PRTG: variants seen among roughly 807,000 people sequenced by gnomAD.
PRTG encodes protogenin, also known as immunoglobulin superfamily, DCC subclass, member 5.
In PRTG, 67 loss-of-function variants were observed where a neutral mutation model predicts 122.5. The ratio of observed to expected loss-of-function variants is 0.55; its 90% CI spans 0.45 to 0.67. The LOEUF is 0.67. PRTG is among the 30% of genes least tolerant of loss of function. The probability of loss-of-function intolerance (pLI) is 0.00; values close to 1 mark genes in which losing one functional copy is unlikely to be tolerated. For synonymous variants in PRTG, 554 were observed against 501.1 expected (o/e 1.11, Z -1.41); for missense variants, 1,435 against 1,415.4 (o/e 1.01, Z -0.22).
intron 15 of PRTG, among the ~76,000 whole-genome samples, chr15:55,631,720 G>A (rs1270394639): frequency 4.6e-5 from 7 of 152,130 alleles, no homozygotes; most frequent in Non-Finnish European, 8.8e-5. Context: ...GTCAAATCTC[G>A]TCATGTAACC....
At chr15:55,645,433 C>CAAAAA (rs374791424) in intron 11 of PRTG, among the ~76,000 whole-genome samples, 4,041 of 18,898 alleles carry the variant, frequency 0.21, 1,261 homozygotes, top group Non-Finnish European at 0.45. Context: ...AACTCCGTCT[C>CAAAAA]AAAAAAAAAA....
chr15:55,658,681 G>A (rs373934939), intron 11 of PRTG, among the ~76,000 whole-genome samples: 2 of 152,082 alleles, frequency 1.3e-5, no homozygotes, highest in African/African-American at 4.8e-5. Flanking sequence ...TATGCATATT[G>A]TAAGTCCCCT....
intron 11 of PRTG, among the ~76,000 whole-genome samples, chr15:55,658,759 A>G (rs184554518): frequency 3.0e-4 from 46 of 152,302 alleles, no homozygotes; most frequent in Non-Finnish European, 3.5e-4. Flanking sequence ...CGCTTTTAGT[A>G]TGGGTGTGTT....
chr15:55,646,449 A>T (rs778792934), intron 11 of PRTG, among the ~76,000 whole-genome samples: 1 of 151,566 alleles, frequency 6.6e-6, no homozygotes, highest in Non-Finnish European at 1.5e-5. Flanking sequence ...CAGCCTCCCA[A>T]GTAGCTAGGA....
chr15:55,633,911 T>C (rs953515850), intron 15 of PRTG, among the ~76,000 whole-genome samples: 1 of 152,198 alleles, frequency 6.6e-6, no homozygotes, highest in African/African-American at 2.4e-5. Flanking sequence ...TGCACTATTA[T>C]ATAGCTAGAA....
chr15:55,685,515 G>A (rs2059565496), intron 2 of PRTG, among the ~76,000 whole-genome samples: 1 of 152,124 alleles, frequency 6.6e-6, no homozygotes, highest in African/African-American at 2.4e-5. Context: ...CAGGAGTTAT[G>A]TAATGCATGG....
At chr15:55,695,745 G>A (rs1315280709) in intron 2 of PRTG, among the ~76,000 whole-genome samples, 3 of 152,184 alleles carry the variant, frequency 2.0e-5, no homozygotes, top group Admixed American at 1.3e-4. Context: ...TTGAGGGGAC[G>A]AGACAGGCAG....
chr15:55,695,737 G>C (rs2059628417), intron 2 of PRTG, among the ~76,000 whole-genome samples: 1 of 152,234 alleles, frequency 6.6e-6, no homozygotes, highest in Non-Finnish European at 1.5e-5. Flanking sequence ...CCAGCACTTT[G>C]AGGGGACGAG....
At position 55,675,612 on chromosome 15, in the gene PRTG, G is replaced by A. The variant is rs1320003022; in HGVS notation, c.1453C>T (p.Pro485Ser). Reference protein sequence around the residue: ...TTHYIIDDLEPASNYTFYIVA... With the variant: ...TTHYIIDDLESASNYTFYIVA... ...ATGTAGAAAGTATAATTGCTGGCAGGCTCTAAGTCATCAATAATATAATGA... is the reference window on the plus strand; with the variant it reads ...ATGTAGAAAGTATAATTGCTGGCAGACTCTAAGTCATCAATAATATAATGA... Residue 485 changes from proline to serine, a missense_variant, in exon 9 of 20, where the codon CCT becomes TCT. By Grantham distance (74) the Pro-to-Ser change is moderately conservative. Coordinates refer to ENST00000389286, the MANE Select transcript of PRTG (RefSeq NM_173814.6). 1 of 1,604,376 alleles carries A rather than the reference G, an allele frequency of 6.2e-7. No individual in the cohort carries two copies. The highest frequency in any genetic ancestry group is 1.1e-5 in the South Asian group (1 of 90,800).
At chr15:55,625,261 A>C (rs2059188292) in intron 17 of PRTG, among the ~76,000 whole-genome samples, 1 of 152,214 alleles carries the variant, frequency 6.6e-6, no homozygotes, top group South Asian at 2.1e-4. Flanking sequence ...TCCATAGATG[A>C]GATTGCATGA....
intron 2 of PRTG, among the ~76,000 whole-genome samples, chr15:55,712,410 T>C (rs912311992): frequency 3.3e-5 from 5 of 152,038 alleles, no homozygotes; most frequent in Non-Finnish European, 5.9e-5. Context: ...GTTTCGCCTA[T>C]GTGTTTCAAC....
intron 2 of PRTG, among the ~76,000 whole-genome samples, chr15:55,739,139 A>T (rs1312527619): frequency 6.6e-6 from 1 of 152,224 alleles, no homozygotes; most frequent in Non-Finnish European, 1.5e-5. Flanking sequence ...AATAGTTAAT[A>T]TAAGGATGGC....
At chr15:55,718,749 C>CT (rs1350560498) in intron 2 of PRTG, among the ~76,000 whole-genome samples, 29 of 147,084 alleles carry the variant, frequency 2.0e-4, no homozygotes, top group South Asian at 4.3e-4. Flanking sequence ...AATTACTTTT[C>CT]TTTTTTTTTT....
chr15:55,738,576 C>G, intron 2 of PRTG: 1 of 697,064 alleles, frequency 1.4e-6, no homozygotes, highest in Non-Finnish European at 2.6e-6. Context: ...GGGAAAATAA[C>G]AACTCTATAG....
At chr15:55,708,148 T>TAAAAAAAAAAAAAAAAAAAAA (rs35216342) in intron 2 of PRTG, among the ~76,000 whole-genome samples, 1 of 70,034 alleles carries the variant, frequency 1.4e-5, no homozygotes, top group Non-Finnish European at 2.9e-5. Context: ...AGTAAGCTGG[T>TAAAAAAAAAAAAAAAAAAAAA]AAAAAAAAAA....
intron 2 of PRTG, among the ~76,000 whole-genome samples, chr15:55,692,153 AAC>A (rs1273631632): frequency 9.9e-5 from 15 of 152,230 alleles, no homozygotes; most frequent in African/African-American, 2.9e-4. Flanking sequence ...CTTTTTTAAA[AAC>A]AGTTTACCTA....
At chr15:55,729,932 T>C (rs2031170504) in intron 2 of PRTG, among the ~76,000 whole-genome samples, 1 of 152,128 alleles carries the variant, frequency 6.6e-6, no homozygotes, top group Non-Finnish European at 1.5e-5. Flanking sequence ...AGAAAAGAAA[T>C]TCCATGAAGC....
At chr15:55,628,362 A>T (rs573224192) in intron 16 of PRTG, among the ~76,000 whole-genome samples, 2 of 145,962 alleles carry the variant, frequency 1.4e-5, no homozygotes, top group East Asian at 4.1e-4. Context: ...ATTTTTTCCA[A>T]TTGCTTTTCT....
intron 15 of PRTG, among the ~76,000 whole-genome samples, chr15:55,635,163 C>G (rs1443096136): frequency 6.6e-6 from 1 of 152,000 alleles, no homozygotes; most frequent in Non-Finnish European, 1.5e-5. Flanking sequence ...ACAGTCTCAG[C>G]TCACTGCAAC....
Sources: gnomAD v4.1 joint callset for allele counts (sites outside exome capture counted in the v4.1 genomes callset) on GRCh38, gnomAD v4.1.1 for gene constraint, MANE v1.5 for transcripts, NCBI Gene and HGNC (gene_info 2026-07-23, HGNC 2026-07-21) for gene names.